The following SEC61G variants were observed in gnomAD, a reference collection of about 807,000 sequenced individuals.
SEC61G encodes protein transport protein Sec61 subunit gamma.
SEC61G carries 4 observed loss-of-function variants against 7.5 expected under a neutral mutation model. That is an observed-to-expected ratio of 0.54 (90% CI 0.26 to 1.22). The LOEUF (loss-of-function observed/expected upper bound fraction) is 1.22. Ranked by LOEUF, SEC61G falls within the 50% of genes most tolerant of loss-of-function variation. The probability of loss-of-function intolerance (pLI) is 0.12; values close to 1 mark genes in which losing one functional copy is unlikely to be tolerated. For synonymous variants in SEC61G, 24 were observed against 24.4 expected (o/e 0.98, Z 0.05); for missense variants, 53 against 84.6 (o/e 0.63, Z 1.46).
chr7:54,757,455 T>A (rs772656054), intron 2 of SEC61G, 40 bp downstream of exon 2: 31 of 1,511,416 alleles, frequency 2.1e-5, no homozygotes, highest in Non-Finnish European at 1.9e-5. Flanking sequence ...GCTTAGAAAA[T>A]GCAAAGATTT....
intron 3 of SEC61G, 151 bp downstream of exon 3, chr7:54,755,628 C>T: frequency 2.3e-6 from 1 of 430,660 alleles, no homozygotes; most frequent in Non-Finnish European, 4.1e-6. Context: ...ATCTAAAAGC[C>T]CTCAATTATC....
At chr7:54,753,610 T>A (rs1242585446) in intron 3 of SEC61G, among the ~76,000 whole-genome samples, 1 of 152,228 alleles carries the variant, frequency 6.6e-6, no homozygotes, top group Non-Finnish European at 1.5e-5. Context: ...TGTCCTGGCA[T>A]AACATGAGAA....
intron 3 of SEC61G, chr7:54,755,106 C>T (rs1274039810): frequency 6.8e-6 from 1 of 146,706 alleles, no homozygotes; most frequent in Admixed American, 6.8e-5. Flanking sequence ...ATTTAAAAAG[C>T]AAAATTATTT....
chr7:54,757,989 T>C (rs962174564), intron 1 of SEC61G, among the ~76,000 whole-genome samples: 2 of 152,224 alleles, frequency 1.3e-5, no homozygotes, highest in African/African-American at 2.4e-5. Flanking sequence ...GAACCATCAG[T>C]GTTGAGATCC....
chr7:54,758,316 T>C (rs1028114698), intron 1 of SEC61G, among the ~76,000 whole-genome samples: 2 of 152,218 alleles, frequency 1.3e-5, no homozygotes, highest in Non-Finnish European at 2.9e-5. Context: ...TATCCGATCT[T>C]AGCTTTGAGA....
rs1351949248 is a variant in SEC61G at position 54,759,203 on chromosome 7, C to G, written c.-52G>C. ...ATGCCAGGGACACGTAGCACTGGAG[C>G]TTGCTGATGGAGGCCCACCGGAACC... On this transcript the variant is annotated 5_prime_UTR_variant, in exon 1 of 4. Coordinates refer to ENST00000352861, the MANE Select transcript of SEC61G (RefSeq NM_014302.4). The G allele has an allele frequency of 1.9e-6, 1 of 519,058 alleles. No homozygotes were observed. The highest frequency in any genetic ancestry group is 1.4e-5 in the South Asian group (1 of 71,592). 32.2% of individuals were successfully genotyped at this position (519,058 alleles called of 1,614,324 possible).
At chr7:54,756,967 ATATATACTATATACTATATACTATAT>A (rs1244981579) in intron 2 of SEC61G, among the ~76,000 whole-genome samples, 7 of 147,148 alleles carry the variant, frequency 4.8e-5, no homozygotes, top group South Asian at 2.1e-4. Context: ...ACTATATACT[ATATATACTATATACTATATACTATAT>A]TATATACTAT....
chr7:54,754,867 A>G (rs905482323), intron 3 of SEC61G: 3 of 152,192 alleles, frequency 2.0e-5, no homozygotes, highest in African/African-American at 7.2e-5. Context: ...CACTTAATTC[A>G]ACTAACACTT....
intron 2 of SEC61G, 29 bp from the exon 3 acceptor site, chr7:54,755,910 T>C (rs1229629612): frequency 7.3e-7 from 1 of 1,378,788 alleles, no homozygotes. Flanking sequence ...AATTCACATA[T>C]TTTTTGCACT....
chr7:54,755,724 C>A, intron 3 of SEC61G, 55 bp downstream of exon 3: 1 of 993,544 alleles, frequency 1.0e-6, no homozygotes, highest in Non-Finnish European at 1.5e-6. Context: ...AGCCTGTCAT[C>A]TCAAATGGTT....
At chr7:54,757,693 ACGT>A (rs1158355792) in intron 1 of SEC61G, 99 bp from the exon 2 acceptor site, 1 of 875,978 alleles carries the variant, frequency 1.1e-6, no homozygotes, top group Non-Finnish European at 1.8e-6. Context: ...CACTGAATTC[ACGT>A]CTAACATGGG....
chr7:54,757,432 A>T (rs1791541943), intron 2 of SEC61G, 63 bp downstream of exon 2: 3 of 1,302,370 alleles, frequency 2.3e-6, no homozygotes, highest in Non-Finnish European at 3.3e-6. Context: ...TCAAGATGTT[A>T]ATCAAACAAA....
At chr7:54,757,422 T>A (rs1449298885) in intron 2 of SEC61G, 73 bp downstream of exon 2, 8 of 1,197,698 alleles carry the variant, frequency 6.7e-6, no homozygotes, top group Non-Finnish European at 9.9e-6. Context: ...GGGCTATTAA[T>A]CAAGATGTTA....
At chr7:54,753,438 A>C (rs1791451083) in intron 3 of SEC61G, among the ~76,000 whole-genome samples, 1 of 152,198 alleles carries the variant, frequency 6.6e-6, no homozygotes, top group South Asian at 2.1e-4. Context: ...GTGAATATTA[A>C]TTTTGATTGC....
chr7:54,756,947 C>T (rs1791527821), intron 2 of SEC61G, among the ~76,000 whole-genome samples: 1 of 147,008 alleles, frequency 6.8e-6, no homozygotes, highest in Non-Finnish European at 1.5e-5. Flanking sequence ...ATATACTATA[C>T]TATATATATA....
At chr7:54,756,459 C>T (rs890485464) in intron 2 of SEC61G, among the ~76,000 whole-genome samples, 4 of 152,166 alleles carry the variant, frequency 2.6e-5, no homozygotes, top group African/African-American at 9.7e-5. Context: ...AGTTTAAGAC[C>T]AGCCTGGCCA....
At position 54,755,631 on chromosome 7, in the gene SEC61G, C is replaced by A. The variant is rs1791497862; in HGVS notation, c.197+148G>T. On this transcript the variant is annotated intron_variant, in intron 3 of 3. Coordinates refer to ENST00000352861, the MANE Select transcript of SEC61G (RefSeq NM_014302.4). ...AGATCATGTAAGATCTAAAAGCCCT[C>A]AATTATCAGGTACTCGTAAATATCA... The A allele has an allele frequency of 9.2e-6, 4 of 435,096 alleles. No homozygotes were observed. The South Asian group carries it at 2.4e-4, about 27-fold the overall frequency. The allele number at this position is 435,096 out of a possible 1,614,324, so 27.0% of individuals were successfully genotyped here.
chr7:54,755,043 CCTAATTGCT>C (rs1387552513), intron 3 of SEC61G: 2 of 152,286 alleles, frequency 1.3e-5, no homozygotes, highest in Admixed American at 6.5e-5. Context: ...AACTGAATTA[CCTAATTGCT>C]CTAATTGCTC....
At chr7:54,755,920 T>C (rs1288065597) in intron 2 of SEC61G, 39 bp from the exon 3 acceptor site, 3 of 1,292,442 alleles carry the variant, frequency 2.3e-6, no homozygotes, top group Middle Eastern at 1.9e-4. Context: ...TTTTTTGCAC[T>C]GTCACTGAAA....
Sources: gnomAD v4.1 joint callset for allele counts (sites outside exome capture counted in the v4.1 genomes callset) on GRCh38, gnomAD v4.1.1 for gene constraint, MANE v1.5 for transcripts, NCBI Gene and HGNC (gene_info 2026-07-23, HGNC 2026-07-21) for gene names.